The following JAKMIP2 variants were observed in gnomAD, a reference collection of about 807,000 sequenced individuals.
The protein encoded by JAKMIP2 is janus kinase and microtubule interacting protein 2.
JAKMIP2 carries 25 observed loss-of-function variants against 115.0 expected under a neutral mutation model. The observed-to-expected ratio is 0.22, with a 90% CI of 0.16 to 0.30. JAKMIP2 has a LOEUF of 0.30. Among genes scored for constraint, JAKMIP2 ranks in the 10% least tolerant of loss-of-function variants. The probability of loss-of-function intolerance (pLI) is 1.00; values close to 1 mark genes in which losing one functional copy is unlikely to be tolerated. For synonymous variants in JAKMIP2, 334 were observed against 343.6 expected, an observed-to-expected ratio of 0.97 and a Z score of 0.31; for missense variants, 642 against 957.6, an observed-to-expected ratio of 0.67 and a Z score of 4.35.
At chr5:147,688,209 G>A (rs1760662515) in intron 1 of JAKMIP2, among the ~76,000 whole-genome samples, 1 of 152,104 alleles carries the variant, frequency 6.6e-6, no homozygotes. Flanking sequence ...TTTAACACAA[G>A]GCTATGTATC....
chr5:147,742,155 A>ATATATATATATATATATATATATATTTTT, intron 1 of JAKMIP2, among the ~76,000 whole-genome samples: 1,276 of 107,866 alleles, frequency 0.012, 70 homozygotes, highest in Admixed American at 0.041. Flanking sequence ...ATATATATAT[A>ATATATATATATATATATATATATATTTTT]TTTTTTTTAC....
At chr5:147,596,824 C>A (rs964236487) in intron 21 of JAKMIP2, among the ~76,000 whole-genome samples, 12 of 152,148 alleles carry the variant, frequency 7.9e-5, no homozygotes, top group South Asian at 2.1e-4. Flanking sequence ...TCATCTTAGA[C>A]TTTCCTTATC....
At chr5:147,735,103 G>A (rs1753871787) in intron 1 of JAKMIP2, among the ~76,000 whole-genome samples, 1 of 152,134 alleles carries the variant, frequency 6.6e-6, no homozygotes, top group South Asian at 2.1e-4. Flanking sequence ...CTACTGAGGT[G>A]TCTCTATTTC....
intron 1 of JAKMIP2, among the ~76,000 whole-genome samples, chr5:147,701,360 C>T (rs185064240): frequency 1.1e-3 from 162 of 152,246 alleles, no homozygotes; most frequent in Non-Finnish European, 1.7e-3. Context: ...AAAGCAGCCT[C>T]TACTTGAAAA....
chr5:147,625,416 G>C (rs1757051196), intron 16 of JAKMIP2, among the ~76,000 whole-genome samples: 1 of 152,130 alleles, frequency 6.6e-6, no homozygotes, highest in South Asian at 2.1e-4. Context: ...TGAAAGAAAA[G>C]AGGCATGCCG....
Position 147,661,173 on chromosome 5 carries a change from G to C in JAKMIP2, c.402C>G (p.Thr134=). 1 of 1,614,060 alleles carries C rather than the reference G, an allele frequency of 6.2e-7. No individual in the cohort carries two copies. Among genetic ancestry groups the C allele is most frequent in the South Asian group, 1.1e-5 (1 of 91,074 alleles). Residue 134 remains threonine (T), a synonymous_variant, in exon 3 of 22, where the codon ACC becomes ACG. Transcript: ENST00000616793. ...TCCGGGCCTCCTCCCGGGCCTCAAT[G>C]GTGAGCGCTGTCCTTACTTTGTCAC... ...GSSDKVRTAL[T]IEAREEARKL... is the part of the protein sequence containing the mutation.
chr5:147,592,640 G>A (rs567777767), intron 21 of JAKMIP2, among the ~76,000 whole-genome samples: 1 of 152,268 alleles, frequency 6.6e-6, no homozygotes, highest in South Asian at 2.1e-4. Context: ...GAGAAAATGG[G>A]ATTTCTATTT....
chr5:147,747,363 G>C (rs536105246), intron 1 of JAKMIP2, among the ~76,000 whole-genome samples: 7 of 152,250 alleles, frequency 4.6e-5, no homozygotes, highest in Middle Eastern at 3.4e-3. Context: ...AAGAGTGTCT[G>C]TTCTGAGGGT....
At chr5:147,721,410 C>A (rs1407709068) in intron 1 of JAKMIP2, among the ~76,000 whole-genome samples, 28 of 152,294 alleles carry the variant, frequency 1.8e-4, no homozygotes, top group East Asian at 5.8e-4. Context: ...TTGTTTACCT[C>A]AGCAAGCCTG....
intron 19 of JAKMIP2, among the ~76,000 whole-genome samples, chr5:147,615,323 C>T (rs933971843): frequency 1.3e-5 from 2 of 152,082 alleles, no homozygotes; most frequent in Non-Finnish European, 2.9e-5. Flanking sequence ...AATGAGAACA[C>T]TTGGATCAAT....
In JAKMIP2 at chr5:147,773,081, C is replaced by T. The variant is rs73794506; in HGVS notation, c.-149+9375G>A. On this transcript the variant is annotated intron_variant, in intron 1 of 21. Transcript: ENST00000616793. ...AGGAAGGTCAGCGCTAACGCATTAA[C>T]TACTGGAATAAATAGTTTTACTTGA... 7.6e-3 allele frequency among the ~76,000 whole-genome samples: 1,156 copies of T among 152,244 alleles called. 18 individuals are homozygous for T. The highest frequency in any genetic ancestry group is 0.027 in the African/African-American group (1,114 of 41,544).
At chr5:147,690,539 TTATATATATATATATATATATATA>T (rs58086292) in intron 1 of JAKMIP2, among the ~76,000 whole-genome samples, 14,568 of 92,454 alleles carry the variant, frequency 0.16, 1,318 homozygotes, top group African/African-American at 0.24. Context: ...ACTAAAGAGA[TTATATATATATATATATATATATA>T]TATATATATA....
chr5:147,612,392 A>G (rs1756376759), intron 19 of JAKMIP2, 21 bp from the exon 20 acceptor site: 3 of 1,465,638 alleles, frequency 2.0e-6, no homozygotes, highest in Non-Finnish European at 2.8e-6. Context: ...AAAAGAAAAG[A>G]AAGAAAGCAT....
At chr5:147,682,859 C>T (rs1760360555) in intron 1 of JAKMIP2, among the ~76,000 whole-genome samples, 1 of 152,164 alleles carries the variant, frequency 6.6e-6, no homozygotes, top group Non-Finnish European at 1.5e-5. Flanking sequence ...TCCTTGCCTC[C>T]ATCCATCATA....
intron 1 of JAKMIP2, among the ~76,000 whole-genome samples, chr5:147,746,153 T>G (rs761318404): frequency 2.0e-5 from 3 of 152,180 alleles, no homozygotes; most frequent in Non-Finnish European, 4.4e-5. Flanking sequence ...ACTGGACTTT[T>G]GCATGCATCA....
intron 1 of JAKMIP2, among the ~76,000 whole-genome samples, chr5:147,690,539 TTATA>T (rs58086292): frequency 0.1 from 9,264 of 90,226 alleles, 465 homozygotes; most frequent in Non-Finnish European, 0.13. Context: ...ACTAAAGAGA[TTATA>T]TATATATATA....
intron 16 of JAKMIP2, among the ~76,000 whole-genome samples, chr5:147,627,206 A>G (rs1044656080): frequency 7.2e-5 from 11 of 152,278 alleles, no homozygotes; most frequent in African/African-American, 2.6e-4. Flanking sequence ...GTCAAAAGCC[A>G]TGGGAGCAGT....
intron 1 of JAKMIP2, among the ~76,000 whole-genome samples, chr5:147,694,954 G>A (rs1752037341): frequency 6.6e-6 from 1 of 152,176 alleles, no homozygotes; most frequent in Admixed American, 6.5e-5. Flanking sequence ...CACACTGGAG[G>A]CTGAGTAACT....
At chr5:147,601,833 A>C in intron 20 of JAKMIP2, 22 bp from the exon 21 acceptor site, 1 of 1,113,096 alleles carries the variant, frequency 9.0e-7, no homozygotes, top group Non-Finnish European at 1.3e-6. Context: ...AAAGAAGAAG[A>C]TTATGTAAAT....
Sources: gnomAD v4.1 joint callset for allele counts (sites outside exome capture counted in the v4.1 genomes callset) on GRCh38, gnomAD v4.1.1 for gene constraint, MANE v1.5 for transcripts, NCBI Gene and HGNC (gene_info 2026-07-23, HGNC 2026-07-21) for gene names.